BTG4: variants seen among roughly 807,000 people sequenced by gnomAD.
The protein encoded by BTG4 is protein BTG4.
A neutral mutation model predicts 19.3 loss-of-function variants in BTG4; 10 were observed. The observed-to-expected ratio is 0.52, with a 90% CI of 0.32 to 0.88. The LOEUF (loss-of-function observed/expected upper bound fraction) is 0.88. BTG4 is among the 40% of genes least tolerant of loss of function. The pLI, the probability that BTG4 is intolerant of heterozygous loss-of-function variation, is 0.04. For synonymous variants in BTG4, 91 were observed against 95.7 expected (o/e 0.95, Z 0.29); for missense variants, 238 against 281.9 (o/e 0.84, Z 1.11).
chr11:111,500,831 C>T (rs78496410), intron 1 of BTG4, among the ~76,000 whole-genome samples: 129 of 152,248 alleles, frequency 8.5e-4, no homozygotes, highest in Non-Finnish European at 1.5e-3. Flanking sequence ...ACACCACAGA[C>T]TCACATTGAA....
downstream of BTG4, chr11:111,463,130 A>G (rs1591429004): frequency 6.5e-6 from 1 of 152,740 alleles, no homozygotes; most frequent in African/African-American, 2.4e-5. Context: ...CAGCTGCAGT[A>G]CCGACGGGAG....
chr11:111,417,120 C>T, the BTG4 span: 1 of 152,304 alleles, frequency 6.6e-6, no homozygotes, highest in Non-Finnish European at 1.5e-5. Context: ...TCTGATGACT[C>T]CAATACACCT....
chr11:111,437,402 C>A, the BTG4 span, among the ~76,000 whole-genome samples: 1 of 152,274 alleles, frequency 6.6e-6, no homozygotes, highest in East Asian at 1.9e-4. Context: ...GGGACTCCTG[C>A]CAGGAACTGG....
chr11:111,498,523 A>G, intron 2 of BTG4, 81 bp downstream of exon 2: 1 of 1,288,044 alleles, frequency 7.8e-7, no homozygotes, highest in Middle Eastern at 1.9e-4. Context: ...TATGCAGAAA[A>G]CAAGATCACT....
chr11:111,424,902 T>A, the BTG4 span, among the ~76,000 whole-genome samples: 1 of 152,176 alleles, frequency 6.6e-6, no homozygotes, highest in Non-Finnish European at 1.5e-5. Context: ...GAGATTGCAG[T>A]GAGCCAGGCT....
At chr11:111,387,516 T>A in the BTG4 span, among the ~76,000 whole-genome samples, 1 of 152,206 alleles carries the variant, frequency 6.6e-6, no homozygotes, top group Admixed American at 6.5e-5. Context: ...CTTTACTGTG[T>A]GTGACAGCCT....
chr11:111,472,835 T>C (rs1380702572), intron 5 of BTG4, among the ~76,000 whole-genome samples: 1 of 152,222 alleles, frequency 6.6e-6, no homozygotes, highest in East Asian at 1.9e-4. Context: ...AGGCTTGAGA[T>C]GTATTTACTG....
intron 2 of BTG4, 128 bp from the exon 3 acceptor site, chr11:111,498,263 T>C: frequency 1.0e-6 from 1 of 959,274 alleles, no homozygotes; most frequent in Non-Finnish European, 1.6e-6. Context: ...CCCCTCAGCC[T>C]CCTCCACCCT....
intron 5 of BTG4, chr11:111,469,138 G>A (rs1250969326): frequency 6.6e-6 from 1 of 152,162 alleles, no homozygotes; most frequent in Admixed American, 6.5e-5. Flanking sequence ...AGAAAGAAAC[G>A]GGCGGTGGGA....
the BTG4 span, among the ~76,000 whole-genome samples, chr11:111,442,663 T>C: frequency 6.6e-6 from 1 of 151,044 alleles, no homozygotes; most frequent in Non-Finnish European, 1.5e-5. Context: ...CGTAGCCCAC[T>C]GGCAGAGCTC....
chr11:111,510,789 T>C (rs184423328), intron 1 of BTG4, among the ~76,000 whole-genome samples: 21 of 152,380 alleles, frequency 1.4e-4, no homozygotes, highest in African/African-American at 3.4e-4. Context: ...TATTTTTTAT[T>C]ACTTTTGAAG....
upstream of BTG4, among the ~76,000 whole-genome samples, chr11:111,513,681 G>C (rs1202964096): frequency 6.6e-6 from 1 of 151,980 alleles, no homozygotes; most frequent in African/African-American, 2.4e-5. Flanking sequence ...TATGTATGTG[G>C]GGTTTTGTTT....
the BTG4 span, among the ~76,000 whole-genome samples, chr11:111,408,445 G>A: frequency 6.6e-6 from 1 of 152,172 alleles, no homozygotes; most frequent in Admixed American, 6.5e-5. Context: ...AAAACCAAGA[G>A]CTTATAGCTA....
In BTG4 at chr11:111,496,331, T is replaced by G. The variant is rs145199244; in HGVS notation, c.510+880A>C. 4.9e-3 allele frequency among the ~76,000 whole-genome samples: 747 copies of G among 152,250 alleles called. 12 individuals are homozygous for G. Among genetic ancestry groups the G allele is most frequent in the African/African-American group, 0.017 (717 of 41,538 alleles). The stretch of plus-strand genomic sequence containing the variant: ...TTCTACATGGTGTTTCGGCTGCATA[T>G]TAAAAACCAGTAAAATGTTCATACT... On this transcript the variant is annotated intron_variant, in intron 4 of 4. Transcript: ENST00000692032.
chr11:111,427,307 T>C, the BTG4 span, among the ~76,000 whole-genome samples: 1 of 152,152 alleles, frequency 6.6e-6, no homozygotes, highest in Admixed American at 6.6e-5. Context: ...AGCTGTGAAA[T>C]TGAGCAGGAC....
the BTG4 span, chr11:111,454,915 G>A: frequency 6.0e-4 from 266 of 443,088 alleles, 2 homozygotes; most frequent in African/African-American, 5.0e-3. Context: ...GAGGCTGGGT[G>A]GCTCCGGGAA....
the BTG4 span, among the ~76,000 whole-genome samples, chr11:111,458,963 C>A: frequency 6.6e-6 from 1 of 152,238 alleles, no homozygotes; most frequent in East Asian, 1.9e-4. Flanking sequence ...GCATACTGGC[C>A]GGGCACGGTG....
chr11:111,433,516 A>G, the BTG4 span, among the ~76,000 whole-genome samples: 6 of 152,348 alleles, frequency 3.9e-5, no homozygotes, highest in South Asian at 4.1e-4. Context: ...TGACTAAAAC[A>G]CCAAAAGCAA....
chr11:111,402,458 G>T, the BTG4 span, among the ~76,000 whole-genome samples: 12 of 152,166 alleles, frequency 7.9e-5, no homozygotes, highest in Admixed American at 6.6e-4. Context: ...CAGTCAGAGA[G>T]AACAAAATAC....
Sources: gnomAD v4.1 joint callset for allele counts (sites outside exome capture counted in the v4.1 genomes callset) on GRCh38, gnomAD v4.1.1 for gene constraint, MANE v1.5 for transcripts, NCBI Gene and HGNC (gene_info 2026-07-23, HGNC 2026-07-21) for gene names.